Variants in CDON observed in about 807,000 individuals in gnomAD.
CDON encodes the protein cell adhesion associated, oncogene regulated, also known as cell adhesion molecule-related/down-regulated by oncogenes.
CDON carries 73 observed loss-of-function variants against 120.9 expected under a neutral mutation model. That is an observed-to-expected ratio of 0.60 (90% CI 0.50 to 0.73). The LOEUF (loss-of-function observed/expected upper bound fraction) is 0.73. Among genes scored for constraint, CDON ranks in the 30% least tolerant of loss-of-function variants. CDON has a pLI of 0.00. For missense variants in CDON, 1,470 were observed against 1,587.3 expected (o/e 0.93, Z 1.26); for synonymous variants, 566 against 573.5 (o/e 0.99, Z 0.19).
rs1293915017 is a variant in CDON, at chr11:125,961,883, G to C, written c.3472C>G (p.Pro1158Ala). ...EMKPLSHVKV[P>A]VCLTSAVPDC... ...GGGACTGCGGAAGTCAGGCATACAG[G>C]CACCTTCACGTGACTGAGGGGCTTC... is the stretch of plus-strand genomic sequence containing the variant. Residue 1158 changes from proline to alanine, a missense_variant, in exon 19 of 20, where the codon CCT becomes GCT. Pro to Ala is a conservative substitution (Grantham distance 27). Coordinates refer to ENST00000531738, the MANE Select transcript of CDON (RefSeq NM_001378964.1). 19 of 1,614,062 alleles carry C rather than the reference G, an allele frequency of 1.2e-5. No individual in the cohort carries two copies. The highest frequency in any genetic ancestry group is 5.0e-5 in the Admixed American group (3 of 60,008).
chr11:126,011,167 A>G (rs1226149280), intron 7 of CDON, among the ~76,000 whole-genome samples: 1 of 151,850 alleles, frequency 6.6e-6, no homozygotes, highest in Non-Finnish European at 1.5e-5. Flanking sequence ...CCTGTTCTCA[A>G]TAAAAGCTGA....
At chr11:125,989,831 T>C (rs1253154650) in intron 14 of CDON, 72 bp from the exon 15 acceptor site, 8 of 1,432,592 alleles carry the variant, frequency 5.6e-6, no homozygotes, top group Non-Finnish European at 6.7e-6. Flanking sequence ...TAGTTAATGT[T>C]TTCAGGATGA....
chr11:126,000,562 G>C (rs537831272), intron 11 of CDON, among the ~76,000 whole-genome samples: 1 of 152,318 alleles, frequency 6.6e-6, no homozygotes, highest in South Asian at 2.1e-4. Flanking sequence ...TATCTTTGCT[G>C]TTCCAGCATT....
intron 1 of CDON, among the ~76,000 whole-genome samples, chr11:126,026,985 T>C (rs990938653): frequency 6.6e-5 from 10 of 152,250 alleles, no homozygotes; most frequent in Non-Finnish European, 4.4e-5. Context: ...AGTGACTTTA[T>C]AGTTGTCCTT....
chr11:126,015,569 ACT>A (rs1947442351), intron 6 of CDON, 59 bp from the exon 7 acceptor site: 3 of 1,547,962 alleles, frequency 1.9e-6, no homozygotes, highest in African/African-American at 2.7e-5. Context: ...TTAAATTATC[ACT>A]CGAGTGATAA....
intron 1 of CDON, among the ~76,000 whole-genome samples, chr11:126,026,383 C>T (rs1305998303): frequency 6.6e-6 from 1 of 152,148 alleles, no homozygotes; most frequent in Non-Finnish European, 1.5e-5. Context: ...CTATAGAATA[C>T]AACAAAATCT....
rs141532732 is a variant in CDON at position 126,008,755 on chromosome 11, T to C, written c.1552+1586A>G. Among the ~76,000 whole-genome samples, 490 of 152,320 alleles carry C rather than the reference T, an allele frequency of 3.2e-3. 9 individuals carry two copies. Among genetic ancestry groups the C allele is most frequent in the African/African-American group, 0.011 (470 of 41,580 alleles). ...TTATTTTTGCCTAGAGGAATAGAAA[T>C]ATAAACACACACGCACATTCATTTA... On this transcript the variant is annotated intron_variant, in intron 8 of 19. Coordinates refer to ENST00000531738, the MANE Select transcript of CDON (RefSeq NM_001378964.1).
chr11:125,995,123 A>C, intron 12 of CDON, 71 bp from the exon 13 acceptor site: 1 of 1,314,622 alleles, frequency 7.6e-7, no homozygotes, highest in Non-Finnish European at 1.1e-6. Flanking sequence ...TAATAAGACA[A>C]CTAAAGGCAG....
intron 18 of CDON, among the ~76,000 whole-genome samples, chr11:125,975,626 C>G (rs114554726): frequency 6.6e-6 from 1 of 152,114 alleles, no homozygotes; most frequent in African/African-American, 2.4e-5. Context: ...GTACCATCTG[C>G]GAACTCATTA....
At chr11:125,961,224 C>T (rs1331488332) in intron 19 of CDON, 119 bp from the exon 20 acceptor site, 1 of 919,910 alleles carries the variant, frequency 1.1e-6, no homozygotes, top group African/African-American at 1.7e-5. Context: ...ATAAATAGAA[C>T]CTGGTTTGTG....
intron 14 of CDON, among the ~76,000 whole-genome samples, chr11:125,990,844 T>C (rs1424303261): frequency 6.6e-6 from 1 of 151,752 alleles, no homozygotes; most frequent in Admixed American, 6.6e-5. Flanking sequence ...AGGAAGAAAA[T>C]CTGCTTGTTT....
In CDON at chr11:126,010,667, G is replaced by C. The variant is rs748441570; in HGVS notation, c.1226C>G (p.Thr409Arg). 6.2e-7 allele frequency: 1 copy of C among 1,613,842 alleles called. No individual in the cohort carries two copies. The highest frequency in any genetic ancestry group is 2.2e-5 in the East Asian group (1 of 44,882). The change falls in exon 8 of 20, where the codon ACG becomes AGG. Residue 409 changes from threonine (T) to arginine (R), a missense_variant. By Grantham distance (71) the Thr-to-Arg change is moderately conservative (BLOSUM62 -1). Coordinates refer to ENST00000531738, the MANE Select transcript of CDON (RefSeq NM_001378964.1). ...NDGGFKPVII[T>R]APVSAKVADG... ...TGCAACCTTTGCACTTACTGGTGCC[G>C]TAATTATAACTGGCTTGAATCCACC...
chr11:126,022,101 CAAAAAAAAAAAAAAA>C (rs56788784), intron 2 of CDON, among the ~76,000 whole-genome samples: 6 of 56,552 alleles, frequency 1.1e-4, no homozygotes, highest in South Asian at 7.2e-4. Flanking sequence ...GACCCTGCTT[CAAAAAAAAAAAAAAA>C]AAAAAAAAAG....
chr11:126,036,931 G>A (rs1565545972), intron 1 of CDON, among the ~76,000 whole-genome samples: 1 of 152,162 alleles, frequency 6.6e-6, no homozygotes, highest in Admixed American at 6.5e-5. Context: ...CAATCGATCT[G>A]CCTGCCTCAG....
intron 7 of CDON, among the ~76,000 whole-genome samples, chr11:126,011,637 T>A (rs1192525683): frequency 6.6e-6 from 1 of 152,238 alleles, no homozygotes; most frequent in Non-Finnish European, 1.5e-5. Context: ...TGTTTAGGTA[T>A]GCATGTGACT....
chr11:125,988,889 A>G (rs1256623939), intron 15 of CDON, among the ~76,000 whole-genome samples: 1 of 152,184 alleles, frequency 6.6e-6, no homozygotes, highest in Non-Finnish European at 1.5e-5. Flanking sequence ...CATATGTTGC[A>G]CTTCTCCTTA....
chr11:125,966,983 G>A (rs946934143), intron 18 of CDON, among the ~76,000 whole-genome samples: 6 of 151,498 alleles, frequency 4.0e-5, no homozygotes, highest in Admixed American at 2.6e-4. Context: ...AAATATTAAG[G>A]GAAGTTCTTC....
intron 14 of CDON, among the ~76,000 whole-genome samples, chr11:125,992,097 CAT>C (rs753328256): frequency 5.2e-4 from 79 of 152,238 alleles, no homozygotes; most frequent in Non-Finnish European, 9.4e-4. Flanking sequence ...ATTTTATTTA[CAT>C]GTCTTGTTTA....
chr11:125,995,029 T>C lies in CDON; in HGVS notation c.2386A>G (p.Ile796Val). The C allele has an allele frequency of 1.2e-6, 2 of 1,614,076 alleles. No homozygotes were observed. The highest frequency in any genetic ancestry group is 3.3e-5 in the Admixed American group (2 of 60,016). ...CTCTCACCATAATGGTTGATGGCAA[T>C]GACCCTAAATTTGTATGTTGAACCT... ...EPGSTYKFRVIAINHYGESFR... is the reference protein window; with the variant it reads ...EPGSTYKFRVVAINHYGESFR... Residue 796 changes from isoleucine to valine, a missense_variant, in exon 13 of 20, where the codon ATT (isoleucine) becomes GTT (valine). Coordinates refer to ENST00000531738, the MANE Select transcript of CDON (RefSeq NM_001378964.1).
Sources: gnomAD v4.1 joint callset for allele counts (sites outside exome capture counted in the v4.1 genomes callset) on GRCh38, gnomAD v4.1.1 for gene constraint, MANE v1.5 for transcripts, NCBI Gene and HGNC (gene_info 2026-07-23, HGNC 2026-07-21) for gene names.